CAMTA1: variants seen among roughly 807,000 people sequenced by gnomAD.
CAMTA1 encodes the protein calmodulin-binding transcription activator 1.
A neutral mutation model predicts 170.9 loss-of-function variants in CAMTA1; 27 were observed. That is an observed-to-expected ratio of 0.16 (90% CI 0.12 to 0.22). The LOEUF (loss-of-function observed/expected upper bound fraction) is 0.22, where lower values mean the gene tolerates loss of function less well. Ranked by LOEUF, CAMTA1 falls within the 10% of genes least tolerant of loss-of-function variation. The probability of loss-of-function intolerance (pLI) is 1.00; values close to 1 mark genes in which losing one functional copy is unlikely to be tolerated. For synonymous variants in CAMTA1, 833 were observed against 891.5 expected, an observed-to-expected ratio of 0.93 and a Z score of 1.17; for missense variants, 1,619 against 2,217.2, an observed-to-expected ratio of 0.73 and a Z score of 5.42.
chr1:7,012,183 T>C (rs1260858622), intron 3 of CAMTA1, among the ~76,000 whole-genome samples: 1 of 152,138 alleles, frequency 6.6e-6, no homozygotes, highest in East Asian at 1.9e-4. Context: ...CCCGGTCAGG[T>C]GCTGGTGGTC....
intron 3 of CAMTA1, among the ~76,000 whole-genome samples, chr1:6,911,276 C>T (rs2149270742): frequency 6.6e-6 from 1 of 152,236 alleles, no homozygotes; most frequent in African/African-American, 2.4e-5. Flanking sequence ...AGTTGGGGCC[C>T]AGGAGGCCAC....
chr1:7,329,819 C>G (rs1057060928), intron 5 of CAMTA1, among the ~76,000 whole-genome samples: 17 of 152,096 alleles, frequency 1.1e-4, no homozygotes, highest in African/African-American at 4.1e-4. Context: ...AAATGAAATC[C>G]CATTTAATGA....
At chr1:7,327,122 G>A (rs2082729964) in intron 5 of CAMTA1, among the ~76,000 whole-genome samples, 3 of 152,068 alleles carry the variant, frequency 2.0e-5, no homozygotes, top group Admixed American at 6.6e-5. Context: ...TGATTTAAAA[G>A]AGACCAGGAG....
rs1641730875 is a variant in CAMTA1 at position 7,093,587 on chromosome 1, A to G, written c.302+2216A>G. Among the ~76,000 whole-genome samples the G allele has an allele frequency of 6.6e-6, 1 of 152,214 alleles. No individual in the cohort carries two copies. The highest frequency in any genetic ancestry group is 2.4e-5 in the African/African-American group (1 of 41,460). ...TGGGTTTCAGCCACCCTTTGACGGC[A>G]GAACAGTAGAACATTTCAAGGCAGC... On this transcript the variant is annotated intron_variant, in intron 4 of 22. Coordinates refer to ENST00000303635, the MANE Select transcript of CAMTA1 (RefSeq NM_015215.4). The surrounding 1 kb of genome is among the most constrained non-coding windows in gnomAD (Gnocchi z 4.6).
intron 6 of CAMTA1, among the ~76,000 whole-genome samples, chr1:7,594,117 G>GAGAAAGAAAGAAAGAAAGAGAGAAAGAA (rs2095376140): frequency 7.6e-6 from 1 of 130,720 alleles, no homozygotes; most frequent in African/African-American, 3.5e-5. Context: ...GAAAGAAAGA[G>GAGAAAGAAAGAAAGAAAGAGAGAAAGAA]AGAAAGAAAG....
intron 4 of CAMTA1, among the ~76,000 whole-genome samples, chr1:7,206,568 T>C (rs1476682023): frequency 6.6e-6 from 1 of 152,218 alleles, no homozygotes; most frequent in Admixed American, 6.5e-5. Context: ...TTGTGGATGT[T>C]TGTAACTCTA....
intron 4 of CAMTA1, among the ~76,000 whole-genome samples, chr1:7,112,010 T>C (rs915846960): frequency 6.6e-6 from 1 of 151,278 alleles, no homozygotes; most frequent in African/African-American, 2.4e-5. Context: ...CCACCGTCAC[T>C]ATGGCTGTCA....
At chr1:7,069,809 C>T (rs1638365222) in intron 3 of CAMTA1, among the ~76,000 whole-genome samples, 1 of 152,186 alleles carries the variant, frequency 6.6e-6, no homozygotes, top group Admixed American at 6.5e-5. Flanking sequence ...TCCAGACTTA[C>T]CCTGGGCCTA....
intron 5 of CAMTA1, among the ~76,000 whole-genome samples, chr1:7,343,848 T>A (rs1409868015): frequency 6.6e-6 from 1 of 152,244 alleles, no homozygotes; most frequent in African/African-American, 2.4e-5. Flanking sequence ...TCTCTAAATC[T>A]CATTTATGTG....
intron 11 of CAMTA1, among the ~76,000 whole-genome samples, chr1:7,695,368 A>C (rs967837994): frequency 1.3e-5 from 2 of 152,346 alleles, no homozygotes; most frequent in South Asian, 4.1e-4. Flanking sequence ...ACTCAAAGAC[A>C]TCATTCCTCC....
intron 3 of CAMTA1, among the ~76,000 whole-genome samples, chr1:7,081,613 A>G (rs1640019581): frequency 6.6e-6 from 1 of 152,196 alleles, no homozygotes; most frequent in Admixed American, 6.5e-5. Flanking sequence ...TGCCATAAAT[A>G]TCAGAGTAGG....
intron 4 of CAMTA1, among the ~76,000 whole-genome samples, chr1:7,163,319 G>C (rs1194746338): frequency 8.7e-6 from 1 of 114,436 alleles, no homozygotes; most frequent in Non-Finnish European, 1.7e-5. Flanking sequence ...CACTGGATGG[G>C]GGGAGACCAA....
Position 7,575,305 on chromosome 1 carries a change from C to T in CAMTA1, c.511-65095C>T, listed in dbSNP as rs374055977. On this transcript the variant is annotated intron_variant, in intron 6 of 22. Transcript: ENST00000303635. ...TCCTCTACCCCACACTGCCCCGACTCTGTCTCTCTGGATAGAGGCCTCCTT... is the reference window on the plus strand; with the variant it reads ...TCCTCTACCCCACACTGCCCCGACTTTGTCTCTCTGGATAGAGGCCTCCTT... 1.3e-4 allele frequency among the ~76,000 whole-genome samples: 20 copies of T among 152,306 alleles called. No homozygotes were observed. The East Asian group carries it at 2.9e-3, about 22-fold the overall frequency.
At chr1:7,488,802 G>A (rs903064974) in intron 6 of CAMTA1, among the ~76,000 whole-genome samples, 2 of 136,712 alleles carry the variant, frequency 1.5e-5, no homozygotes, top group Non-Finnish European at 3.1e-5. Context: ...ATACACACAT[G>A]TAATACAAAT....
intron 3 of CAMTA1, among the ~76,000 whole-genome samples, chr1:6,868,144 T>C (rs895175619): frequency 6.6e-6 from 1 of 151,948 alleles, no homozygotes; most frequent in African/African-American, 2.4e-5. Flanking sequence ...ATATACTTGC[T>C]GAGGTTAGTT....
chr1:7,374,213 G>C (rs1451194521), intron 5 of CAMTA1, among the ~76,000 whole-genome samples: 1 of 152,218 alleles, frequency 6.6e-6, no homozygotes. Flanking sequence ...TCTACGTGGA[G>C]GTGAAATTCG....
At chr1:7,692,127 A>C (rs2096323116) in intron 11 of CAMTA1, among the ~76,000 whole-genome samples, 1 of 152,150 alleles carries the variant, frequency 6.6e-6, no homozygotes, top group Non-Finnish European at 1.5e-5. Context: ...GGTGTCCAGG[A>C]CTAACCAGGC....
At chr1:7,557,372 C>T (rs574498996) in intron 6 of CAMTA1, among the ~76,000 whole-genome samples, 7 of 152,084 alleles carry the variant, frequency 4.6e-5, no homozygotes, top group East Asian at 1.9e-4. Flanking sequence ...GTCCAGAGCC[C>T]GGCCAAGCGG....
chr1:7,703,518 C>G (rs971849684), intron 11 of CAMTA1, among the ~76,000 whole-genome samples: 2 of 152,088 alleles, frequency 1.3e-5, no homozygotes, highest in African/African-American at 4.8e-5. Context: ...GGCCTCTAAC[C>G]AGCGATTCCT....
Sources: gnomAD v4.1 joint callset for allele counts (sites outside exome capture counted in the v4.1 genomes callset) on GRCh38, gnomAD v4.1.1 for gene constraint, Gnocchi (gnomAD v3.1) non-coding constraint, MANE v1.5 for transcripts, NCBI Gene and HGNC (gene_info 2026-07-23, HGNC 2026-07-21) for gene names.